CCDC171: variants seen among roughly 807,000 people sequenced by gnomAD.
The protein encoded by CCDC171 is coiled-coil domain containing 171.
CCDC171 carries 177 observed loss-of-function variants against 168.2 expected under a neutral mutation model. The observed-to-expected ratio is 1.05, with a 90% CI of 0.93 to 1.19. CCDC171 has a LOEUF of 1.19. CCDC171 is among the 50% of genes most tolerant of loss of function. CCDC171 has a pLI of 0.00. For synonymous variants in CCDC171, 687 were observed against 540.8 expected (o/e 1.27, Z -3.75); for missense variants, 1,991 against 1,539.0 (o/e 1.29, Z -4.91).
chr9:15,566,207 T>TC (rs953431206), intron 2 of CCDC171, among the ~76,000 whole-genome samples: 3 of 151,824 alleles, frequency 2.0e-5, no homozygotes, highest in Non-Finnish European at 4.4e-5. Flanking sequence ...TTTTTTTTTT[T>TC]ATGTTATTGA....
chr9:15,726,181 C>G (rs1253272307), intron 14 of CCDC171, among the ~76,000 whole-genome samples: 1 of 152,144 alleles, frequency 6.6e-6, no homozygotes, highest in African/African-American at 2.4e-5. Flanking sequence ...TGGAATTGCT[C>G]TACACATCAG....
chr9:15,751,974 C>T (rs966385622), intron 18 of CCDC171, among the ~76,000 whole-genome samples: 3 of 152,114 alleles, frequency 2.0e-5, no homozygotes, highest in African/African-American at 7.2e-5. Flanking sequence ...GAACAGGCAA[C>T]CTACCGAATG....
chr9:15,846,939 T>A, intron 22 of CCDC171, 92 bp downstream of exon 22: 1 of 1,129,868 alleles, frequency 8.9e-7, no homozygotes, highest in Non-Finnish European at 1.2e-6. Context: ...GATAATACAG[T>A]GTTAGAAAAC....
chr9:15,616,843 T>C (rs2044119543), intron 6 of CCDC171, among the ~76,000 whole-genome samples: 1 of 152,252 alleles, frequency 6.6e-6, no homozygotes, highest in Non-Finnish European at 1.5e-5. Context: ...ATACTATTTG[T>C]ATTTGGCCAT....
chr9:16,094,115 T>C, the CCDC171 span, among the ~76,000 whole-genome samples: 4,404 of 151,982 alleles, frequency 0.029, 204 homozygotes, highest in African/African-American at 0.099. Flanking sequence ...GAGAGGACCG[T>C]GAGTAAAGGT....
intron 7 of CCDC171, 62 bp downstream of exon 7, chr9:15,623,475 G>GCGCGCACGCACA: frequency 6.4e-6 from 2 of 311,462 alleles, no homozygotes; most frequent in South Asian, 5.7e-5. Flanking sequence ...GCGCGCGCGC[G>GCGCGCACGCACA]CACACACACA....
At chr9:16,074,040 G>A in the CCDC171 span, among the ~76,000 whole-genome samples, 9 of 152,092 alleles carry the variant, frequency 5.9e-5, no homozygotes, top group South Asian at 2.1e-4. Flanking sequence ...CTTGGATGTG[G>A]GGTAGGTCAG....
chr9:15,644,669 C>T (rs766400126), intron 7 of CCDC171, among the ~76,000 whole-genome samples: 2 of 152,240 alleles, frequency 1.3e-5, no homozygotes, highest in East Asian at 1.9e-4. Flanking sequence ...TGAGATCCAA[C>T]TGCAAGGCAG....
intron 2 of CCDC171, among the ~76,000 whole-genome samples, chr9:15,569,478 T>G (rs932437715): frequency 3.3e-5 from 5 of 152,246 alleles, no homozygotes; most frequent in African/African-American, 9.6e-5. Context: ...CTGCACCTTT[T>G]TTTAGATTTT....
At chr9:15,718,890 T>A (rs1365086908) in intron 11 of CCDC171, among the ~76,000 whole-genome samples, 1 of 152,084 alleles carries the variant, frequency 6.6e-6, no homozygotes, top group Non-Finnish European at 1.5e-5. Context: ...CTGCATAGAC[T>A]AAAATAAATA....
chr9:16,097,227 G>C, the CCDC171 span, among the ~76,000 whole-genome samples: 1 of 150,064 alleles, frequency 6.7e-6, no homozygotes, highest in African/African-American at 2.5e-5. Flanking sequence ...AGATGAGATA[G>C]AATGCTTATG....
At position 15,779,003 on chromosome 9, in the gene CCDC171, AT is replaced by A; in HGVS notation, c.2937del (p.Phe979LeufsTer17). ...CATCGTTGCAGAAGCAAATACTTGG[AT>A]TTACACAAAGACTGCATGCTGCAGA... The part of the protein sequence containing the change: ...TASLQKQILG[F>X]TQRLHAAEVE... On this transcript the variant is annotated frameshift_variant, in exon 20 of 26. Coordinates refer to ENST00000380701, the MANE Select transcript of CCDC171 (RefSeq NM_173550.4). LOFTEE classifies it high-confidence loss of function. The A allele has an allele frequency of 6.4e-7, 1 of 1,553,678 alleles. No homozygotes were observed. The highest frequency in any genetic ancestry group is 8.7e-7 in the Non-Finnish European group (1 of 1,152,874).
At chr9:15,947,144 T>A (rs1255678486) in intron 25 of CCDC171, among the ~76,000 whole-genome samples, 1 of 152,014 alleles carries the variant, frequency 6.6e-6, no homozygotes, top group Non-Finnish European at 1.5e-5. Flanking sequence ...ACAAGTGATG[T>A]GTGTCACCAT....
intron 23 of CCDC171, among the ~76,000 whole-genome samples, chr9:15,864,831 G>A (rs2131045515): frequency 6.6e-6 from 1 of 152,150 alleles, no homozygotes; most frequent in South Asian, 2.1e-4. Flanking sequence ...AGGTAAAATT[G>A]AAATGTGAAG....
At chr9:15,679,350 G>T (rs960440634) in intron 10 of CCDC171, among the ~76,000 whole-genome samples, 2 of 151,958 alleles carry the variant, frequency 1.3e-5, no homozygotes, top group Non-Finnish European at 1.5e-5. Flanking sequence ...ATCTGTTTTT[G>T]TTAACCTCTC....
chr9:15,750,119 A>G (rs1022682000), intron 18 of CCDC171, among the ~76,000 whole-genome samples: 19 of 152,128 alleles, frequency 1.2e-4, no homozygotes, highest in Non-Finnish European at 1.8e-4. Flanking sequence ...AGATGCAATA[A>G]AAAATGACAA....
chr9:16,108,785 A>G, the CCDC171 span, among the ~76,000 whole-genome samples: 1 of 152,206 alleles, frequency 6.6e-6, no homozygotes, highest in African/African-American at 2.4e-5. Flanking sequence ...AAGTAAGAAT[A>G]TTCACCTTCT....
chr9:15,927,628 T>C (rs1826039222), intron 25 of CCDC171, among the ~76,000 whole-genome samples: 1 of 151,738 alleles, frequency 6.6e-6, no homozygotes, highest in African/African-American at 2.4e-5. Flanking sequence ...GAAATATCTT[T>C]GCATCATTGT....
chr9:15,895,189 G>A (rs1201543357), intron 24 of CCDC171, among the ~76,000 whole-genome samples: 1 of 152,060 alleles, frequency 6.6e-6, no homozygotes, highest in African/African-American at 2.4e-5. Context: ...GTTTTTCAAG[G>A]ACTGTGTAAA....
Sources: gnomAD v4.1 joint callset for allele counts (sites outside exome capture counted in the v4.1 genomes callset) on GRCh38, gnomAD v4.1.1 for gene constraint, MANE v1.5 for transcripts, NCBI Gene and HGNC (gene_info 2026-07-23, HGNC 2026-07-21) for gene names.